N4BP2L2: variants seen among roughly 807,000 people sequenced by gnomAD.
N4BP2L2 encodes NEDD4-binding protein 2-like 2.
N4BP2L2 carries 50 observed loss-of-function variants against 56.2 expected under a neutral mutation model. The ratio of observed to expected loss-of-function variants is 0.89; its 90% confidence interval spans 0.71 to 1.13. N4BP2L2 has a LOEUF of 1.13. Among genes scored for constraint, N4BP2L2 ranks in the 50% most tolerant of loss-of-function variants. N4BP2L2 has a pLI of 0.00. For synonymous variants in N4BP2L2, 203 were observed against 223.6 expected, an observed-to-expected ratio of 0.91 and a Z score of 0.82; for missense variants, 689 against 693.8, an observed-to-expected ratio of 0.99 and a Z score of 0.08.
intron 3 of N4BP2L2, chr13:32,526,818 G>GTTTTTTTCTTTT (rs2053005209): frequency 1.2e-4 from 3 of 24,234 alleles, no homozygotes; most frequent in Non-Finnish European, 2.4e-4. Context: ...CTTTTTGTCT[G>GTTTTTTTCTTTT]TTTTTTTTTT....
chr13:32,437,896 C>T (rs1404528043), intron 8 of N4BP2L2, among the ~76,000 whole-genome samples: 1 of 152,174 alleles, frequency 6.6e-6, no homozygotes, highest in African/African-American at 2.4e-5. Context: ...CCTATATTAT[C>T]CACTCATCCC....
At chr13:32,460,607 T>C (rs983571215) in intron 6 of N4BP2L2, among the ~76,000 whole-genome samples, 2 of 152,120 alleles carry the variant, frequency 1.3e-5, no homozygotes, top group Admixed American at 6.5e-5. Flanking sequence ...TGGAAAGGCA[T>C]ACCATGCTCA....
At chr13:32,528,666 G>A (rs2053778642) in intron 2 of N4BP2L2, among the ~76,000 whole-genome samples, 1 of 152,098 alleles carries the variant, frequency 6.6e-6, no homozygotes, top group Non-Finnish European at 1.5e-5. Context: ...TGAACCATTA[G>A]GCATTTGGAT....
rs1426155010 is a variant in N4BP2L2, at chr13:32,500,915, C to A, written c.365+16942G>T. ...AGTCTCACTCCCTCTGTTGCCCAGG[C>A]TAGAGTTCAATGGCATGATCTTGGC... On this transcript the variant is annotated intron_variant, in intron 6 of 9. Transcript: ENST00000357505. Among the ~76,000 whole-genome samples, 6 of 143,770 alleles carry A rather than the reference C, an allele frequency of 4.2e-5. No individual in the cohort carries two copies. The East Asian group carries it at 1.3e-3, about 30-fold the overall frequency. 94.3% of individuals were successfully genotyped at this position (143,770 alleles called of 152,430 possible).
chr13:32,522,464 G>A (rs1190189022), intron 3 of N4BP2L2, 194 bp from the exon 4 acceptor site: 2 of 378,524 alleles, frequency 5.3e-6, no homozygotes, highest in Non-Finnish European at 9.2e-6. Flanking sequence ...CATATGCCAG[G>A]TGCATTCTCC....
chr13:32,516,213 CAA>C (rs2049177187), exon 6 of N4BP2L2: 1 of 151,932 alleles, frequency 6.6e-6, no homozygotes, highest in Admixed American at 6.6e-5. Context: ...GTCCAAACAC[CAA>C]CAAGTATTAC....
At chr13:32,492,792 G>T (rs2087469196) in intron 6 of N4BP2L2, among the ~76,000 whole-genome samples, 1 of 151,642 alleles carries the variant, frequency 6.6e-6, no homozygotes, top group Non-Finnish European at 1.5e-5. Flanking sequence ...TTCCAAAAGT[G>T]CATGGTATCA....
At chr13:32,483,260 T>A (rs1317123245) in intron 6 of N4BP2L2, among the ~76,000 whole-genome samples, 1 of 152,176 alleles carries the variant, frequency 6.6e-6, no homozygotes, top group South Asian at 2.1e-4. Flanking sequence ...AGCAAATCTA[T>A]CAGGGCAACT....
chr13:32,511,802 C>T (rs1247630504), exon 6 of N4BP2L2: 1 of 150,454 alleles, frequency 6.6e-6, no homozygotes, highest in African/African-American at 2.5e-5. Context: ...AACACGTACA[C>T]AAGAAAAGAC....
intron 6 of N4BP2L2, among the ~76,000 whole-genome samples, chr13:32,502,963 A>G (rs1036870060): frequency 6.6e-6 from 1 of 152,166 alleles, no homozygotes; most frequent in Non-Finnish European, 1.5e-5. Flanking sequence ...ACCTGAGGTC[A>G]TAAGTTCGAT....
intron 6 of N4BP2L2, among the ~76,000 whole-genome samples, chr13:32,455,611 T>G (rs1326689813): frequency 6.6e-6 from 1 of 152,144 alleles, no homozygotes; most frequent in Non-Finnish European, 1.5e-5. Flanking sequence ...ACCTAAGCAT[T>G]CCACCAGGGG....
chr13:32,501,923 A>T (rs751625577), intron 6 of N4BP2L2, among the ~76,000 whole-genome samples: 2 of 152,180 alleles, frequency 1.3e-5, no homozygotes, highest in Non-Finnish European at 2.9e-5. Context: ...GCCAGTATTC[A>T]TGATAAAAAG....
At chr13:32,442,248 T>C in intron 7 of N4BP2L2, 1 of 743,746 alleles carries the variant, frequency 1.3e-6, no homozygotes, top group Non-Finnish European at 2.1e-6. Flanking sequence ...CCGTTTGCTA[T>C]GGATCCTCAC....
chr13:32,493,490 T>A (rs555584945), intron 6 of N4BP2L2, among the ~76,000 whole-genome samples: 23 of 152,348 alleles, frequency 1.5e-4, no homozygotes, highest in Admixed American at 3.9e-4. Context: ...ACCATACCCA[T>A]TCAACAAAAA....
At chr13:32,515,250 G>C (rs1756306933) in exon 6 of N4BP2L2, 1 of 151,952 alleles carries the variant, frequency 6.6e-6, no homozygotes, top group South Asian at 2.1e-4. Flanking sequence ...TGGGAAACAA[G>C]GCAAGACCCC....
rs570577404 is a variant in N4BP2L2 at position 32,436,268 on chromosome 13, G to A, written c.*21+93C>T. On this transcript the variant is annotated intron_variant, in intron 9 of 9. Transcript: ENST00000357505. ...ATTTTTTATATTTTACTCTCCAGTC[G>A]TGCTATAATACATATGAGCTATTAC... 484 of 541,278 alleles carry A rather than the reference G, an allele frequency of 8.9e-4. 3 individuals carry two copies. Among genetic ancestry groups the A allele is most frequent in the African/African-American group, 8.1e-3 (405 of 49,884 alleles). 33.5% of individuals were successfully genotyped at this position (541,278 alleles called of 1,614,324 possible). A position where few individuals can be genotyped will look rare whatever the true frequency, so the allele number is the denominator to read the frequency against.
intron 2 of N4BP2L2, among the ~76,000 whole-genome samples, chr13:32,534,791 T>C (rs1486878156): frequency 6.6e-6 from 1 of 152,220 alleles, no homozygotes; most frequent in African/African-American, 2.4e-5. Context: ...CACCCAAAGA[T>C]ATCAACAAAT....
intron 6 of N4BP2L2, among the ~76,000 whole-genome samples, chr13:32,447,057 TTCTC>T (rs2077155005): frequency 6.6e-6 from 1 of 152,172 alleles, no homozygotes; most frequent in South Asian, 2.1e-4. Flanking sequence ...AAACATTTCC[TTCTC>T]TCTTTTTCTT....
chr13:32,497,378 G>T (rs1374682192), intron 6 of N4BP2L2, among the ~76,000 whole-genome samples: 1 of 152,166 alleles, frequency 6.6e-6, no homozygotes, highest in African/African-American at 2.4e-5. Context: ...TTGCTCCCAA[G>T]ATTTTAGTTT....
Sources: gnomAD v4.1 joint callset for allele counts (sites outside exome capture counted in the v4.1 genomes callset) on GRCh38, gnomAD v4.1.1 for gene constraint, MANE v1.5 for transcripts, NCBI Gene and HGNC (gene_info 2026-07-23, HGNC 2026-07-21) for gene names.